Variants in EHMT2 observed in about 807,000 individuals in gnomAD.
EHMT2 encodes the protein euchromatic histone lysine methyltransferase 2.
In EHMT2, 59 loss-of-function variants were observed where a neutral mutation model predicts 143.3. That is an observed-to-expected ratio of 0.41 (90% CI 0.33 to 0.51). The LOEUF (loss-of-function observed/expected upper bound fraction) is 0.51. EHMT2 is among the 20% of genes least tolerant of loss of function. The pLI is 0.18. For missense variants in EHMT2, 1,174 were observed against 1,645.9 expected (o/e 0.71, Z 4.96); for synonymous variants, 604 against 651.5 (o/e 0.93, Z 1.11).
At chr6:31,887,470 A>G (rs1765020990) in intron 15 of EHMT2, 107 bp downstream of exon 15, 1 of 981,186 alleles carries the variant, frequency 1.0e-6, no homozygotes, top group Non-Finnish European at 1.6e-6. Flanking sequence ...TAAGTCCTTC[A>G]GGGCAAGGAC....
Position 31,886,699 on chromosome 6 carries a change from C to T in EHMT2, c.2242-17G>A, listed in dbSNP as rs1366106326. On this transcript the variant is annotated splice_polypyrimidine_tract_variant and intron_variant, in intron 17 of 27. Coordinates refer to ENST00000375537, the Ensembl canonical transcript of EHMT2. ...GTCCTCCTCCTGAGGGAGACACGGG[C>T]AAATGAGCCTTTGGGCTGGCACCCC... 1 of 1,613,990 alleles carries T rather than the reference C, an allele frequency of 6.2e-7. No individual in the cohort carries two copies. Among genetic ancestry groups the T allele is most frequent in the Non-Finnish European group, 8.5e-7 (1 of 1,179,914 alleles).
Position 31,883,326 on chromosome 6 carries a change from G to C in EHMT2, c.2994+36C>G, listed in dbSNP as rs1020786685. On this transcript the variant is annotated intron_variant, in intron 23 of 27. Transcript: ENST00000375537. The surrounding 1 kb of genome is among the most constrained non-coding windows in gnomAD (Gnocchi z 5.6). ...TGGAGGCTGGCTCCTCTGAAGGAGGGGCCGGGTGTCTGTGGCCAAGGCAAG... is the reference window on the plus strand; with the variant it reads ...TGGAGGCTGGCTCCTCTGAAGGAGGCGCCGGGTGTCTGTGGCCAAGGCAAG... 1 of 1,600,354 alleles carries C rather than the reference G, an allele frequency of 6.2e-7. No individual in the cohort carries two copies. Among genetic ancestry groups the C allele is most frequent in the African/African-American group, 1.3e-5 (1 of 74,684 alleles).
intron 15 of EHMT2, 149 bp from the exon 16 acceptor site, chr6:31,887,250 G>C: frequency 1.5e-6 from 1 of 673,738 alleles, no homozygotes; most frequent in Non-Finnish European, 2.5e-6. Context: ...CTCCACCACA[G>C]CATTTATCAG....
In EHMT2 at chr6:31,886,696, G is replaced by A. The variant is rs748402588; in HGVS notation, c.2242-14C>T. ...ACCGTCCTCCTCCTGAGGGAGACAC[G>A]GGCAAATGAGCCTTTGGGCTGGCAC... On this transcript the variant is annotated splice_polypyrimidine_tract_variant and intron_variant, in intron 17 of 27. Coordinates refer to ENST00000375537, the Ensembl canonical transcript of EHMT2. 4.8e-5 allele frequency: 78 copies of A among 1,613,928 alleles called. No individual in the cohort carries two copies. The highest frequency in any genetic ancestry group is 6.2e-5 in the Non-Finnish European group (73 of 1,179,962).
exon 25 of EHMT2, chr6:31,882,739 G>C (rs552691958): frequency 6.2e-7 from 1 of 1,612,630 alleles, no homozygotes; most frequent in Admixed American, 1.7e-5. Context: ...TGCAGGGCGC[G>C]GACCCCCCAG....
Position 31,896,463 on chromosome 6 carries a change from T to A in EHMT2, c.382A>T (p.Ser128Cys). 4 of 1,613,016 alleles carry A rather than the reference T, an allele frequency of 2.5e-6. No individual in the cohort carries two copies. In the Middle Eastern group the frequency reaches 4.9e-4, roughly 200 times the overall value. ...CCTGTCATTGACATCTTGGCCCGGC[T>A]AGGACAGGAACCCCCCTTGCTGGGG... The change falls in exon 4 of 28, where the codon AGC becomes TGC. Residue 128 changes from serine (S) to cysteine (C), a missense_variant. Ser to Cys is a moderately radical substitution (Grantham distance 112). Coordinates refer to ENST00000375537, the Ensembl canonical transcript of EHMT2.
At position 31,884,147 on chromosome 6, in the gene EHMT2, C is replaced by T. The variant is rs1362427939; in HGVS notation, c.2772-197G>A. On this transcript the variant is annotated intron_variant, in intron 21 of 27. Transcript: ENST00000375537. This position sits in a 1 kb window ranked among gnomAD's most constrained non-coding sequence, Gnocchi z 7.3. ...GCTTTTTAGTATGTCCCAAAAATTA[C>T]ACAGGACATTCTCACACTAAAAAAG... 3 of 711,684 alleles carry T rather than the reference C, an allele frequency of 4.2e-6. No homozygotes were observed. Among genetic ancestry groups the T allele is most frequent in the Non-Finnish European group, 6.8e-6 (3 of 442,308 alleles). The allele number at this position is 711,684 out of a possible 1,614,324, so 44.1% of individuals were successfully genotyped here.
chr6:31,885,071 G>A lies in EHMT2; in HGVS notation c.2344-55C>T, dbSNP rs746660187. The A allele has an allele frequency of 9.7e-6, 15 of 1,552,874 alleles. No homozygotes were observed. The African/African-American group carries it at 1.8e-4, about 18-fold the overall frequency. On this transcript the variant is annotated intron_variant, in intron 18 of 27. Coordinates refer to ENST00000375537, the Ensembl canonical transcript of EHMT2. ...GCAGCTGGCCCTGCTCACCAAAGCA[G>A]CAAATGGTCAAGATTGGCTGTGTGT...
chr6:31,880,952 T>A lies in EHMT2; in HGVS notation c.3276+62A>T, dbSNP rs1308781147. 6.2e-7 allele frequency: 1 copy of A among 1,608,916 alleles called. No homozygotes were observed. The highest frequency in any genetic ancestry group is 1.7e-5 in the Admixed American group (1 of 59,976). On this transcript the variant is annotated intron_variant, in intron 26 of 27. Transcript: ENST00000375537. This position sits in a 1 kb window ranked among gnomAD's most constrained non-coding sequence, Gnocchi z 6.6. The stretch of plus-strand genomic sequence containing the variant: ...CTCCCCAGGTTTCCATTTGCTGACT[T>A]CCCAGAGGCTCCTGAAAGCCAGCCC...
chr6:31,885,004 AC>A lies in EHMT2; in HGVS notation c.2355del (p.Trp786GlyfsTer15). On this transcript the variant is annotated frameshift_variant, in exon 19 of 28. Coordinates refer to ENST00000375537, the Ensembl canonical transcript of EHMT2. LOFTEE classifies it high-confidence loss of function. ...TCTGCAGCCCAGATGATGGGCGTCC[AC>A]CCCCCACTGTCCTGTGGGTGGGAAG... 1 of 1,607,910 alleles carries A rather than the reference AC, an allele frequency of 6.2e-7. No homozygotes were observed.
At chr6:31,887,708 C>T in intron 14 of EHMT2, 49 bp from the exon 15 acceptor site, 1 of 1,609,258 alleles carries the variant, frequency 6.2e-7, no homozygotes, top group Non-Finnish European at 8.5e-7. Context: ...TCCTCAGATT[C>T]CAGCATCAGC....
intron 7 of EHMT2, among the ~76,000 whole-genome samples, chr6:31,890,770 CAGG>C (rs1478717346): frequency 4.0e-5 from 6 of 149,226 alleles, no homozygotes; most frequent in Non-Finnish European, 7.4e-5. Context: ...GAGACTGAGG[CAGG>C]AGAATTGCTT....
At position 31,888,537 on chromosome 6, in the gene EHMT2, G is replaced by T. The variant is rs759185379; in HGVS notation, c.1366-31C>A. On this transcript the variant is annotated intron_variant, in intron 11 of 27. Coordinates refer to ENST00000375537, the Ensembl canonical transcript of EHMT2. This position sits in a 1 kb window ranked among gnomAD's most constrained non-coding sequence, Gnocchi z 7.4. ...CGCAGTGAGGATGGGTGAGAAGAGA[G>T]CGTGAGGCTGGGGCCGGGGACTGGA... The T allele has an allele frequency of 6.2e-7, 1 of 1,610,298 alleles. No individual in the cohort carries two copies. Among genetic ancestry groups the T allele is most frequent in the Non-Finnish European group, 8.5e-7 (1 of 1,178,790 alleles).
At position 31,896,833 on chromosome 6, in the gene EHMT2, G is replaced by T; in HGVS notation, c.110-9C>A. ...CCCCAAAGAGCCATGAACTGTAGAG[G>T]AAGAGAAAAAGTTCAGAGCTAAGGG... is the stretch of plus-strand genomic sequence containing the variant. On this transcript the variant is annotated splice_polypyrimidine_tract_variant and intron_variant, in intron 2 of 27. Coordinates refer to ENST00000375537, the Ensembl canonical transcript of EHMT2. The T allele has an allele frequency of 6.2e-7, 1 of 1,612,786 alleles. No individual in the cohort carries two copies. Among genetic ancestry groups the T allele is most frequent in the Non-Finnish European group, 8.5e-7 (1 of 1,179,958 alleles).
In EHMT2 at chr6:31,884,370, C is replaced by T. The variant is rs1262371965; in HGVS notation, c.2771+22G>A. ...GGTGGGGAGGAGGTGGTCTTGGGTG[C>T]AGAGAGGGGCCCAGGGCTCACCGGC... is the stretch of plus-strand genomic sequence containing the variant. On this transcript the variant is annotated intron_variant, in intron 21 of 27. Coordinates refer to ENST00000375537, the Ensembl canonical transcript of EHMT2. This position sits in a 1 kb window ranked among gnomAD's most constrained non-coding sequence, Gnocchi z 7.3. 26 of 1,599,888 alleles carry T rather than the reference C, an allele frequency of 1.6e-5. No individual in the cohort carries two copies. The East Asian group carries it at 2.0e-4, about 12-fold the overall frequency.
chr6:31,896,617 C>A, exon 3 of EHMT2: 2 of 1,584,298 alleles, frequency 1.3e-6, no homozygotes, highest in Non-Finnish European at 1.7e-6. Flanking sequence ...CAGCAGGATC[C>A]GGCCCCCACG....
At chr6:31,887,638 G>A (rs769703044) in exon 15 of EHMT2, 36 of 1,613,046 alleles carry the variant, frequency 2.2e-5, no homozygotes, top group Non-Finnish European at 3.1e-5. Flanking sequence ...ACTGCCGAGG[G>A]TGGAAACGGA....
Position 31,883,850 on chromosome 6 carries a change from C to T in EHMT2, c.2872G>A (p.Glu958Lys), listed in dbSNP as rs1764440257. ...CGATCGATGTTCATGGTGGACGTCT[C>T]GCAGTTCTCTGAGATGTACTTGTAA... The change falls in exon 22 of 28, where the codon GAG becomes AAG. Residue 958 changes from glutamate to lysine, a missense_variant. By Grantham distance (56) the Glu-to-Lys change is moderately conservative. Around this residue, in one of 6 missense-constraint regions of EHMT2, gnomAD observed 608 missense variants for 903.7 expected, o/e 0.67. Transcript: ENST00000375537. This position sits in a 1 kb window ranked among gnomAD's most constrained non-coding sequence, Gnocchi z 5.6. 8.1e-6 allele frequency: 13 copies of T among 1,613,848 alleles called. No individual in the cohort carries two copies. The highest frequency in any genetic ancestry group is 1.1e-5 in the Non-Finnish European group (13 of 1,179,982).
Position 31,892,387 on chromosome 6 carries a change from G to A in EHMT2, c.864+20C>T. On this transcript the variant is annotated intron_variant, in intron 7 of 27. Transcript: ENST00000375537. Reference sequence around the variant, plus strand: ...CCCTGGGGGAGCACCGGCGGGGAGGGCAGACCAGCTCTGTCTCACCTTGCT... The same window carrying A: ...CCCTGGGGGAGCACCGGCGGGGAGGACAGACCAGCTCTGTCTCACCTTGCT... 3 of 1,608,994 alleles carry A rather than the reference G, an allele frequency of 1.9e-6. No individual in the cohort carries two copies. The highest frequency in any genetic ancestry group is 2.2e-5 in the East Asian group (1 of 44,836).
Sources: allele counts gnomAD v4.1 joint callset (sites outside exome capture counted in the v4.1 genomes callset), GRCh38; gene constraint gnomAD v4.1.1; regional missense constraint gnomAD v4.1.1; non-coding constraint Gnocchi (gnomAD v3.1); transcripts MANE v1.5; gene names NCBI Gene and HGNC (gene_info 2026-07-23, HGNC 2026-07-21).